The following AAK1 variants were observed in gnomAD, a reference collection of about 807,000 sequenced individuals.
The protein encoded by AAK1 is AP2 associated kinase 1.
AAK1 carries 37 observed loss-of-function variants against 116.0 expected under a neutral mutation model. The observed-to-expected ratio is 0.32, with a 90% CI of 0.25 to 0.42. The LOEUF (loss-of-function observed/expected upper bound fraction) is 0.42, where lower values mean the gene tolerates loss of function less well. Among genes scored for constraint, AAK1 ranks in the 10% least tolerant of loss-of-function variants. The pLI, the probability that AAK1 is intolerant of heterozygous loss-of-function variation, is 1.00. For synonymous variants in AAK1, 458 were observed against 439.9 expected (o/e 1.04, Z -0.51); for missense variants, 919 against 1,170.6 (o/e 0.79, Z 3.14).
chr2:69,583,134 C>T (rs887061496), intron 2 of AAK1, among the ~76,000 whole-genome samples: 1 of 152,222 alleles, frequency 6.6e-6, no homozygotes, highest in Non-Finnish European at 1.5e-5. Context: ...ACTTCACTGG[C>T]CCTCAGTTTC....
intron 17 of AAK1, among the ~76,000 whole-genome samples, chr2:69,489,450 C>CA (rs70954346): frequency 0.27 from 32,618 of 119,198 alleles, 5,678 homozygotes; most frequent in African/African-American, 0.53. Context: ...GACTCCGTCT[C>CA]AAAAAAAAAA....
intron 5 of AAK1, among the ~76,000 whole-genome samples, chr2:69,541,684 A>T (rs997434483): frequency 3.3e-5 from 5 of 152,208 alleles, no homozygotes; most frequent in Non-Finnish European, 7.3e-5. Flanking sequence ...TTATTAAGAT[A>T]TGGCTTCTTG....
intron 4 of AAK1, 137 bp downstream of exon 4, chr2:69,544,299 G>C (rs1334204890): frequency 1.6e-6 from 1 of 639,400 alleles, no homozygotes; most frequent in African/African-American, 1.8e-5. Flanking sequence ...ACAGCAGACT[G>C]TATCTTTTAG....
In AAK1 at chr2:69,479,337, T is replaced by C. The variant is rs78220430; in HGVS notation, c.2570-276A>G. ...AAACCAAAAGAAATGTGTGGAGGCT[T>C]CTGGATTTTCATCTATAGAAACATG... is the stretch of plus-strand genomic sequence containing the variant. On this transcript the variant is annotated intron_variant, in intron 19 of 21. Transcript: ENST00000409085. 4.4e-4 allele frequency among the ~76,000 whole-genome samples: 67 copies of C among 152,294 alleles called. 1 individual carries two copies. In the East Asian group the frequency reaches 0.011, roughly 24 times the overall value.
chr2:69,542,606 C>A lies in AAK1; in HGVS notation c.451G>T (p.Val151Leu). 1 of 1,613,936 alleles carries A rather than the reference C, an allele frequency of 6.2e-7. No individual in the cohort carries two copies. The highest frequency in any genetic ancestry group is 8.5e-7 in the Non-Finnish European group (1 of 1,179,852). ...RLQTGFTENE[V>L]LQIFCDTCEA... ...CAGGTATCACAAAATATCTGGAGCACTTCATTCTCTGTAAAGCCTGTTTGC... is the reference window on the plus strand; with the variant it reads ...CAGGTATCACAAAATATCTGGAGCAATTCATTCTCTGTAAAGCCTGTTTGC... The change falls in exon 5 of 22, where the codon GTG becomes TTG. Residue 151 changes from valine (V) to leucine (L), a missense_variant. Transcript: ENST00000409085.
chr2:69,497,609 CA>C (rs1675801263), intron 16 of AAK1, among the ~76,000 whole-genome samples: 1 of 151,884 alleles, frequency 6.6e-6, no homozygotes, highest in Admixed American at 6.6e-5. Context: ...CATACATAAT[CA>C]TTCTTTACTT....
chr2:69,472,048 C>T lies in AAK1; in HGVS notation c.*3821G>A, dbSNP rs914505341. The T allele has an allele frequency of 1.0e-6, 1 of 985,192 alleles. No individual in the cohort carries two copies. The highest frequency in any genetic ancestry group is 1.2e-6 in the Non-Finnish European group (1 of 829,846). 61.0% of individuals were successfully genotyped at this position (985,192 alleles called of 1,614,324 possible). On this transcript the variant is annotated 3_prime_UTR_variant, in exon 22 of 22. Coordinates refer to ENST00000409085, the MANE Select transcript of AAK1 (RefSeq NM_014911.5). ...CACTGAACAAAGTGACAACTTCTTT[C>T]AGAGGTGTTTTAATACCCATATCTT...
intron 5 of AAK1, among the ~76,000 whole-genome samples, chr2:69,539,476 T>A (rs1670613563): frequency 6.6e-6 from 1 of 151,994 alleles, no homozygotes; most frequent in African/African-American, 2.4e-5. Context: ...ACCAGCCACA[T>A]TTCTCCCCTA....
intron 6 of AAK1, 105 bp downstream of exon 6, chr2:69,531,932 AACTG>A (rs1475970028): frequency 2.0e-6 from 3 of 1,496,528 alleles, no homozygotes; most frequent in South Asian, 2.4e-5. Context: ...GATGAAGGAC[AACTG>A]ACTATCACCA....
intron 8 of AAK1, among the ~76,000 whole-genome samples, chr2:69,528,266 G>A (rs1453034885): frequency 6.6e-6 from 1 of 152,194 alleles, no homozygotes; most frequent in Admixed American, 6.5e-5. Flanking sequence ...TAAATGCCAT[G>A]CTAAGAAGCT....
intron 2 of AAK1, among the ~76,000 whole-genome samples, chr2:69,591,526 T>C (rs1673029954): frequency 6.8e-6 from 1 of 146,888 alleles, no homozygotes; most frequent in Non-Finnish European, 1.5e-5. Flanking sequence ...TCTTTTTCTT[T>C]TTTTTTTTTT....
chr2:69,484,599 C>G (rs1675217457), intron 17 of AAK1, among the ~76,000 whole-genome samples: 1 of 152,144 alleles, frequency 6.6e-6, no homozygotes, highest in Non-Finnish European at 1.5e-5. Context: ...TCGAGACCAG[C>G]CTGGCCAACA....
chr2:69,473,556 T>A lies in AAK1; in HGVS notation c.*2313A>T. 4 of 985,480 alleles carry A rather than the reference T, an allele frequency of 4.1e-6. No individual in the cohort carries two copies. Among genetic ancestry groups the A allele is most frequent in the Non-Finnish European group, 4.8e-6 (4 of 829,920 alleles). 61.0% of individuals were successfully genotyped at this position (985,480 alleles called of 1,614,324 possible). Reference sequence around the variant, plus strand: ...TCTCTGGCTTCTAGTCTGCTCATTTTCATTAACTGCCTCCATTAAGCTTTA... The same window carrying A: ...TCTCTGGCTTCTAGTCTGCTCATTTACATTAACTGCCTCCATTAAGCTTTA... On this transcript the variant is annotated 3_prime_UTR_variant, in exon 22 of 22. Coordinates refer to ENST00000409085, the MANE Select transcript of AAK1 (RefSeq NM_014911.5).
intron 2 of AAK1, among the ~76,000 whole-genome samples, chr2:69,637,928 G>A (rs1472039419): frequency 1.3e-5 from 2 of 152,160 alleles, no homozygotes; most frequent in East Asian, 3.8e-4. Context: ...TATTAAATGA[G>A]CTTTACTTTG....
intron 2 of AAK1, among the ~76,000 whole-genome samples, chr2:69,593,804 C>T (rs1213392403): frequency 6.6e-6 from 1 of 152,208 alleles, no homozygotes; most frequent in Non-Finnish European, 1.5e-5. Flanking sequence ...ACCTGTTTCT[C>T]ACTCAATGCT....
At chr2:69,607,613 T>G (rs1386830212) in intron 2 of AAK1, among the ~76,000 whole-genome samples, 3 of 152,194 alleles carry the variant, frequency 2.0e-5, no homozygotes, top group African/African-American at 7.2e-5. Flanking sequence ...GGTGGGACAG[T>G]ATCATGAAAA....
intron 2 of AAK1, among the ~76,000 whole-genome samples, chr2:69,568,053 G>T (rs893953286): frequency 1.3e-5 from 2 of 152,138 alleles, no homozygotes; most frequent in African/African-American, 4.8e-5. Flanking sequence ...AGCAGCAGAG[G>T]TCAGCCGGAG....
At position 69,479,066 on chromosome 2, in the gene AAK1, G is replaced by C; in HGVS notation, c.2570-5C>G. On this transcript the variant is annotated splice_polypyrimidine_tract_variant and splice_region_variant and intron_variant, in intron 19 of 21. Coordinates refer to ENST00000409085, the MANE Select transcript of AAK1 (RefSeq NM_014911.5). ...AATCTTCCCCGGTGAGAGAATCTGA[G>C]TCCAGATTAACAGCATCCCAGGTCA... 2 of 1,588,472 alleles carry C rather than the reference G, an allele frequency of 1.3e-6. No individual in the cohort carries two copies. Among genetic ancestry groups the C allele is most frequent in the Non-Finnish European group, 1.7e-6 (2 of 1,156,690 alleles).
chr2:69,628,284 CT>C (rs11441868), intron 2 of AAK1, among the ~76,000 whole-genome samples: 26 of 146,068 alleles, frequency 1.8e-4, no homozygotes, highest in Admixed American at 2.7e-4. Flanking sequence ...TGTTTCTTTT[CT>C]TTTTTTTTTT....
Sources: allele counts gnomAD v4.1 joint callset (sites outside exome capture counted in the v4.1 genomes callset), GRCh38; gene constraint gnomAD v4.1.1; transcripts MANE v1.5; gene names NCBI Gene and HGNC (gene_info 2026-07-23, HGNC 2026-07-21).